The following FNDC3A variants were observed in gnomAD, a reference collection of about 807,000 sequenced individuals.
The protein encoded by FNDC3A is fibronectin type-III domain-containing protein 3A.
Under a neutral mutation model 148.9 loss-of-function variants are expected in FNDC3A, and 32 were observed. The ratio of observed to expected loss-of-function variants is 0.21; its 90% CI spans 0.16 to 0.29. The LOEUF (loss-of-function observed/expected upper bound fraction) is 0.29. FNDC3A is among the 10% of genes least tolerant of loss of function. The pLI, the probability that FNDC3A is intolerant of heterozygous loss-of-function variation, is 1.00. For synonymous variants in FNDC3A, 472 were observed against 473.6 expected, an observed-to-expected ratio of 1.00 and a Z score of 0.04; for missense variants, 1,191 against 1,452.8, an observed-to-expected ratio of 0.82 and a Z score of 2.93.
intron 2 of FNDC3A, among the ~76,000 whole-genome samples, chr13:49,032,860 G>A (rs1424201279): frequency 6.6e-6 from 1 of 151,928 alleles, no homozygotes; most frequent in Non-Finnish European, 1.5e-5. Flanking sequence ...TCTTTACAGG[G>A]TAAATTTTAT....
chr13:48,988,844 CAA>C (rs111401139), intron 1 of FNDC3A, among the ~76,000 whole-genome samples: 37 of 83,418 alleles, frequency 4.4e-4, no homozygotes, highest in Admixed American at 6.6e-4. Context: ...GAACTTGTCT[CAA>C]AAAAAAAAAA....
intron 1 of FNDC3A, among the ~76,000 whole-genome samples, chr13:48,983,457 G>A (rs1475456415): frequency 3.9e-5 from 6 of 152,148 alleles, no homozygotes; most frequent in Non-Finnish European, 7.4e-5. Flanking sequence ...TATGGGCTCA[G>A]TTGCAACTAC....
chr13:49,045,766 T>C (rs963666295), intron 2 of FNDC3A: 160 of 611,038 alleles, frequency 2.6e-4, no homozygotes, highest in South Asian at 4.8e-4. Context: ...TTTGACAGCA[T>C]AGCATCTGAT....
chr13:49,048,210 C>T (rs1028508049), intron 2 of FNDC3A, among the ~76,000 whole-genome samples: 3 of 151,984 alleles, frequency 2.0e-5, no homozygotes, highest in Non-Finnish European at 2.9e-5. Context: ...AGTTTGAAAT[C>T]GGGTAATGTG....
intron 3 of FNDC3A, among the ~76,000 whole-genome samples, chr13:49,099,777 G>A (rs1037692337): frequency 6.6e-6 from 1 of 151,982 alleles, no homozygotes; most frequent in African/African-American, 2.4e-5. Context: ...AAAAATATTT[G>A]AAGTATTTAC....
intron 2 of FNDC3A, among the ~76,000 whole-genome samples, chr13:49,038,413 G>T (rs1456609536): frequency 3.3e-5 from 5 of 152,050 alleles, no homozygotes; most frequent in Non-Finnish European, 5.9e-5. Context: ...CAATATGGCT[G>T]GTTTCCTTAT....
At chr13:49,102,839 G>A (rs1362812929) in intron 3 of FNDC3A, among the ~76,000 whole-genome samples, 1 of 152,136 alleles carries the variant, frequency 6.6e-6, no homozygotes, top group African/African-American at 2.4e-5. Flanking sequence ...ACTTAAAAAT[G>A]TACCTGCTTA....
intron 1 of FNDC3A, 142 bp downstream of exon 1, chr13:48,976,319 G>C (rs555603464): frequency 4.6e-4 from 70 of 152,866 alleles, no homozygotes; most frequent in African/African-American, 1.7e-3. Context: ...CCCCGTCGAG[G>C]GGCGCGGACC....
chr13:49,161,413 G>T (rs1240357061), intron 8 of FNDC3A, among the ~76,000 whole-genome samples: 1 of 152,138 alleles, frequency 6.6e-6, no homozygotes, highest in African/African-American at 2.4e-5. Flanking sequence ...TGGAGACTAG[G>T]ACTGCAACCC....
chr13:49,075,611 A>T (rs575057202), intron 3 of FNDC3A, among the ~76,000 whole-genome samples: 19 of 152,138 alleles, frequency 1.2e-4, no homozygotes, highest in African/African-American at 4.6e-4. Context: ...CTGTTCAGCA[A>T]TCTTTATCAA....
At chr13:49,046,406 T>G (rs937831645) in intron 2 of FNDC3A, 1 of 190,860 alleles carries the variant, frequency 5.2e-6, no homozygotes, top group Admixed American at 6.4e-5. Flanking sequence ...ATACCATGCT[T>G]CTTTGATAGT....
intron 3 of FNDC3A, among the ~76,000 whole-genome samples, chr13:49,093,200 C>T (rs983124537): frequency 6.6e-6 from 1 of 152,048 alleles, no homozygotes; most frequent in African/African-American, 2.4e-5. Flanking sequence ...GGCTACATTC[C>T]CCTCCGCTCT....
intron 2 of FNDC3A, among the ~76,000 whole-genome samples, chr13:49,019,437 G>C (rs1346134255): frequency 6.6e-6 from 1 of 152,226 alleles, no homozygotes; most frequent in Non-Finnish European, 1.5e-5. Context: ...TCCGGAGTGA[G>C]GCAATGCCTC....
At chr13:49,102,938 T>C (rs1037439470) in intron 3 of FNDC3A, among the ~76,000 whole-genome samples, 9 of 152,204 alleles carry the variant, frequency 5.9e-5, no homozygotes, top group Admixed American at 3.3e-4. Context: ...TTCATAATAT[T>C]TTAACATATT....
intron 3 of FNDC3A, among the ~76,000 whole-genome samples, chr13:49,087,969 A>G (rs1016910133): frequency 5.3e-5 from 8 of 152,084 alleles, no homozygotes; most frequent in African/African-American, 9.7e-5. Context: ...GATTTCTCAG[A>G]TATTTGCTTC....
At chr13:49,198,728 G>A (rs1167751187) in intron 23 of FNDC3A, among the ~76,000 whole-genome samples, 154 bp downstream of exon 23, 2 of 152,160 alleles carry the variant, frequency 1.3e-5, no homozygotes, top group Admixed American at 6.6e-5. Flanking sequence ...GCCCAGGAGT[G>A]CAAGACCAGC....
intron 13 of FNDC3A, among the ~76,000 whole-genome samples, chr13:49,177,103 ACT>A (rs1885068116): frequency 6.6e-6 from 1 of 151,530 alleles, no homozygotes; most frequent in Non-Finnish European, 1.5e-5. Context: ...CAGCCTGAAA[ACT>A]CTGTCTTTTC....
At chr13:49,205,402 A>G (rs919316178) in intron 25 of FNDC3A, among the ~76,000 whole-genome samples, 2 of 152,194 alleles carry the variant, frequency 1.3e-5, no homozygotes, top group African/African-American at 4.8e-5. Context: ...CTACTTTATC[A>G]TACAACATTC....
At position 49,149,840 on chromosome 13, in the gene FNDC3A, T is replaced by G. The variant is rs1593662185; in HGVS notation, c.977+3905T>G. Among the ~76,000 whole-genome samples the G allele has an allele frequency of 2.0e-5, 3 of 152,198 alleles. No homozygotes were observed. The East Asian group carries it at 5.8e-4, about 29-fold the overall frequency. The stretch of plus-strand genomic sequence containing the variant: ...TGGACTTTTCTTTGTTTGAAGACTC[T>G]TTATTACTGATTCAATCTCATTACT... On this transcript the variant is annotated intron_variant, in intron 8 of 25. Coordinates refer to ENST00000492622, the MANE Select transcript of FNDC3A (RefSeq NM_001079673.2).
Sources: allele counts gnomAD v4.1 joint callset (sites outside exome capture counted in the v4.1 genomes callset), GRCh38; gene constraint gnomAD v4.1.1; transcripts MANE v1.5; gene names NCBI Gene and HGNC (gene_info 2026-07-23, HGNC 2026-07-21).